LRRTM3: variants seen among roughly 807,000 people sequenced by gnomAD.
LRRTM3 encodes the protein leucine-rich repeat transmembrane neuronal protein 3.
LRRTM3 carries 24 observed loss-of-function variants against 44.7 expected under a neutral mutation model. The observed-to-expected ratio is 0.54, with a 90% CI of 0.39 to 0.76. The LOEUF (loss-of-function observed/expected upper bound fraction) is 0.76. Among genes scored for constraint, LRRTM3 ranks in the 30% least tolerant of loss-of-function variants. LRRTM3 has a pLI of 0.00. For missense variants in LRRTM3, 587 were observed against 702.2 expected (o/e 0.84, Z 1.85); for synonymous variants, 277 against 278.7 (o/e 0.99, Z 0.06).
chr10:66,961,034 T>A (rs896809203), intron 2 of LRRTM3, among the ~76,000 whole-genome samples: 1 of 152,214 alleles, frequency 6.6e-6, no homozygotes, highest in Non-Finnish European at 1.5e-5. Context: ...TTGACATAGT[T>A]ATCACAATAT....
At chr10:66,941,447 A>G (rs956815562) in intron 2 of LRRTM3, among the ~76,000 whole-genome samples, 1 of 152,192 alleles carries the variant, frequency 6.6e-6, no homozygotes, top group East Asian at 1.9e-4. Context: ...TTTTAAGTAA[A>G]ATTTACAAAT....
chr10:67,022,690 C>T (rs192983108), intron 2 of LRRTM3, among the ~76,000 whole-genome samples: 1 of 152,138 alleles, frequency 6.6e-6, no homozygotes, highest in Non-Finnish European at 1.5e-5. Context: ...TTAATCCCAG[C>T]ATTTTGGGAG....
chr10:67,065,513 T>C (rs1856021060), intron 2 of LRRTM3, among the ~76,000 whole-genome samples: 1 of 152,138 alleles, frequency 6.6e-6, no homozygotes, highest in Non-Finnish European at 1.5e-5. Context: ...ACCACATCTG[T>C]TCCATCTTCT....
chr10:66,926,600 A>C lies in LRRTM3; in HGVS notation c.4+13A>C. On this transcript the variant is annotated intron_variant, in intron 1 of 2. Transcript: ENST00000361320. Reference sequence around the variant, plus strand: ...ATACAAAGGATGGGTATGTTTTGTCATTTTTCTTCTTTCCTTCTTAAAAAC... The same window carrying C: ...ATACAAAGGATGGGTATGTTTTGTCCTTTTTCTTCTTTCCTTCTTAAAAAC... 1 of 1,613,790 alleles carries C rather than the reference A, an allele frequency of 6.2e-7. No homozygotes were observed.
chr10:66,931,902 G>T lies in LRRTM3; in HGVS notation c.1536+3450G>T, dbSNP rs534112404. Reference sequence around the variant, plus strand: ...AGCATTTTGATATTTTTATTAAAGGGGTTAATATTTTTCATCAGCAAGATA... The same window carrying T: ...AGCATTTTGATATTTTTATTAAAGGTGTTAATATTTTTCATCAGCAAGATA... On this transcript the variant is annotated intron_variant, in intron 2 of 2. Transcript: ENST00000361320. Among the ~76,000 whole-genome samples, 3 of 152,168 alleles carry T rather than the reference G, an allele frequency of 2.0e-5. No homozygotes were observed. The East Asian group carries it at 5.8e-4, about 29-fold the overall frequency.
At chr10:67,070,155 A>G (rs1407216887) in intron 2 of LRRTM3, among the ~76,000 whole-genome samples, 4 of 152,266 alleles carry the variant, frequency 2.6e-5, no homozygotes, top group East Asian at 3.9e-4. Flanking sequence ...GTTGAAGTTA[A>G]GTTCTTTTTC....
At chr10:67,058,140 G>A (rs1020193647) in intron 2 of LRRTM3, among the ~76,000 whole-genome samples, 4 of 151,914 alleles carry the variant, frequency 2.6e-5, no homozygotes, top group East Asian at 1.9e-4. Flanking sequence ...TTAATACCTC[G>A]AATTACAGTT....
rs1255177798 is a variant in LRRTM3, at chr10:67,101,255, G to A, written c.*3459G>A. Among the ~76,000 whole-genome samples the A allele has an allele frequency of 2.0e-5, 3 of 151,664 alleles. No individual in the cohort carries two copies. Among genetic ancestry groups the A allele is most frequent in the Non-Finnish European group, 4.4e-5 (3 of 67,790 alleles). ...GAAAAAACCAAAGACCTTCTAAATT[G>A]AGACTGCATAATTATAAAAGAGATC... On this transcript the variant is annotated 3_prime_UTR_variant, in exon 3 of 3. Coordinates refer to ENST00000361320, the MANE Select transcript of LRRTM3 (RefSeq NM_178011.5).
At chr10:67,016,674 T>TA (rs1402855373) in intron 2 of LRRTM3, among the ~76,000 whole-genome samples, 11 of 152,334 alleles carry the variant, frequency 7.2e-5, no homozygotes, top group South Asian at 2.1e-4. Context: ...CACCTATTGA[T>TA]AATGTCTGAG....
intron 2 of LRRTM3, among the ~76,000 whole-genome samples, chr10:67,027,725 G>A (rs566574728): frequency 8.5e-5 from 13 of 152,082 alleles, no homozygotes; most frequent in South Asian, 2.1e-4. Context: ...CACCGTGCCC[G>A]GCTGACATTT....
chr10:67,086,197 T>C (rs1006478706), intron 2 of LRRTM3, among the ~76,000 whole-genome samples: 4 of 151,986 alleles, frequency 2.6e-5, no homozygotes, highest in African/African-American at 9.7e-5. Context: ...AATATAAATT[T>C]TGAAGAAATT....
intron 2 of LRRTM3, among the ~76,000 whole-genome samples, chr10:67,092,208 G>A (rs1005862815): frequency 4.6e-5 from 7 of 151,870 alleles, no homozygotes; most frequent in African/African-American, 9.7e-5. Context: ...ACAACCTAGA[G>A]AGTTAGAAAA....
At chr10:66,940,677 C>T (rs564989688) in intron 2 of LRRTM3, among the ~76,000 whole-genome samples, 19 of 152,272 alleles carry the variant, frequency 1.2e-4, no homozygotes, top group African/African-American at 4.3e-4. Context: ...TATCTCCTCA[C>T]ATTCAACTCA....
At chr10:66,951,354 G>A (rs780024387) in intron 2 of LRRTM3, among the ~76,000 whole-genome samples, 6 of 152,078 alleles carry the variant, frequency 3.9e-5, no homozygotes, top group Non-Finnish European at 5.9e-5. Flanking sequence ...GACCTCAGAT[G>A]ATCCATCCGC....
At chr10:66,951,512 T>C (rs7896619) in intron 2 of LRRTM3, among the ~76,000 whole-genome samples, 3,503 of 152,268 alleles carry the variant, frequency 0.023, 128 homozygotes, top group African/African-American at 0.08. Flanking sequence ...ATGAGATAGG[T>C]ACTGTTTACT....
At chr10:66,987,310 T>G (rs962799816) in intron 2 of LRRTM3, among the ~76,000 whole-genome samples, 29 of 152,156 alleles carry the variant, frequency 1.9e-4, no homozygotes, top group African/African-American at 6.8e-4. Context: ...GAGAGACAGT[T>G]ATAAGAGTAT....
intron 2 of LRRTM3, among the ~76,000 whole-genome samples, chr10:67,039,900 T>C (rs1304673705): frequency 6.6e-6 from 1 of 152,172 alleles, no homozygotes; most frequent in East Asian, 1.9e-4. Flanking sequence ...TCTGAATTTC[T>C]ATGTCTTAGA....
At chr10:67,023,696 C>T (rs1477919390) in intron 2 of LRRTM3, among the ~76,000 whole-genome samples, 2 of 152,108 alleles carry the variant, frequency 1.3e-5, no homozygotes, top group African/African-American at 4.8e-5. Context: ...CGATCTATTT[C>T]AGAACTACTA....
In LRRTM3 at chr10:66,928,182, G is replaced by A; in HGVS notation, c.1266G>A (p.Ala422=). ...AEHISFHKII[A]GSVALFLSVL... ...ACATCTCTTTCCATAAAATCATCGC[G>A]GGCAGCGTGGCGCTTTTCCTGTCCG... The change falls in exon 2 of 3, where the codon GCG becomes GCA. Residue 422 remains alanine, a synonymous_variant. Coordinates refer to ENST00000361320, the MANE Select transcript of LRRTM3 (RefSeq NM_178011.5). 6.2e-7 allele frequency: 1 copy of A among 1,614,066 alleles called. No homozygotes were observed. The highest frequency in any genetic ancestry group is 1.3e-5 in the African/African-American group (1 of 75,038).
Sources: gnomAD v4.1 joint callset for allele counts (sites outside exome capture counted in the v4.1 genomes callset) on GRCh38, gnomAD v4.1.1 for gene constraint, MANE v1.5 for transcripts, NCBI Gene and HGNC (gene_info 2026-07-23, HGNC 2026-07-21) for gene names.